The following FOXP1 variants were observed in gnomAD, a reference collection of about 807,000 sequenced individuals.
The protein encoded by FOXP1 is forkhead box protein P1.
FOXP1 carries 15 observed loss-of-function variants against 98.2 expected under a neutral mutation model. That is an observed-to-expected ratio of 0.15 (90% CI 0.10 to 0.24). The LOEUF (loss-of-function observed/expected upper bound fraction) is 0.24, where lower values mean the gene tolerates loss of function less well. Among genes scored for constraint, FOXP1 ranks in the 10% least tolerant of loss-of-function variants. FOXP1 has a pLI of 1.00. For synonymous variants in FOXP1, 371 were observed against 314.5 expected, an observed-to-expected ratio of 1.18 and a Z score of -1.90; for missense variants, 633 against 848.5, an observed-to-expected ratio of 0.75 and a Z score of 3.15.
intron 6 of FOXP1, among the ~76,000 whole-genome samples, chr3:71,138,439 TA>T (rs1463842388): frequency 2.6e-5 from 4 of 152,006 alleles, no homozygotes; most frequent in Non-Finnish European, 5.9e-5. Context: ...AATTAGTTTT[TA>T]AAAATACATT....
intron 2 of FOXP1, among the ~76,000 whole-genome samples, chr3:71,493,773 A>G (rs1489291018): frequency 3.3e-5 from 5 of 152,218 alleles, no homozygotes; most frequent in African/African-American, 7.2e-5. Context: ...CGTACACTGT[A>G]AAGTTGTTAT....
chr3:71,240,046 C>T lies in FOXP1; in HGVS notation c.-11-41654G>A, dbSNP rs370653490. Reference sequence around the variant, plus strand: ...AACTGGGGGGCTTCGAAAGGAAGTACAAGACTTTCACAGTCCCAAGAAATG... The same window carrying T: ...AACTGGGGGGCTTCGAAAGGAAGTATAAGACTTTCACAGTCCCAAGAAATG... On this transcript the variant is annotated intron_variant, in intron 5 of 20. Coordinates refer to ENST00000649528, the MANE Select transcript of FOXP1 (RefSeq NM_001349338.3). Among the ~76,000 whole-genome samples the T allele has an allele frequency of 3.3e-4, 50 of 152,348 alleles. 1 individual carries two copies. The South Asian group carries it at 8.9e-3, about 27-fold the overall frequency.
At chr3:71,252,223 G>A (rs1284861067) in intron 5 of FOXP1, among the ~76,000 whole-genome samples, 2 of 152,174 alleles carry the variant, frequency 1.3e-5, no homozygotes, top group African/African-American at 4.8e-5. Flanking sequence ...CAGCCATCTT[G>A]TGGCCCAGAG....
At chr3:71,049,782 C>G (rs962229081) in intron 9 of FOXP1, among the ~76,000 whole-genome samples, 1 of 152,100 alleles carries the variant, frequency 6.6e-6, no homozygotes, top group African/African-American at 2.4e-5. Context: ...CATGAAAATG[C>G]TACCGTGTGA....
chr3:71,032,677 C>T, intron 11 of FOXP1, among the ~76,000 whole-genome samples: 1 of 152,184 alleles, frequency 6.6e-6, no homozygotes, highest in East Asian at 1.9e-4. Context: ...CACGGGGTAA[C>T]ACTGGTGCGA....
At chr3:70,996,055 C>T (rs984024925) in intron 13 of FOXP1, among the ~76,000 whole-genome samples, 5 of 152,278 alleles carry the variant, frequency 3.3e-5, no homozygotes, top group East Asian at 3.9e-4. Flanking sequence ...GGCGCAATCT[C>T]GGGTCACTGC....
intron 5 of FOXP1, among the ~76,000 whole-genome samples, chr3:71,260,105 T>G (rs1296445): frequency 6.6e-6 from 1 of 152,178 alleles, no homozygotes; most frequent in Non-Finnish European, 1.5e-5. Context: ...TGCCTCAGCC[T>G]CCGGAGTAGC....
intron 13 of FOXP1, among the ~76,000 whole-genome samples, chr3:70,999,731 T>C (rs987067111): frequency 2.0e-5 from 3 of 152,168 alleles, no homozygotes; most frequent in Admixed American, 1.3e-4. Context: ...AAAGTTTAAG[T>C]GTATTTTGGC....
chr3:71,176,355 C>T (rs377258512), intron 6 of FOXP1, among the ~76,000 whole-genome samples: 1 of 152,134 alleles, frequency 6.6e-6, no homozygotes, highest in South Asian at 2.1e-4. Context: ...TACTTACTTG[C>T]AATTTATTAT....
At chr3:71,279,295 C>T (rs1184998520) in intron 5 of FOXP1, among the ~76,000 whole-genome samples, 4 of 151,538 alleles carry the variant, frequency 2.6e-5, no homozygotes, top group Admixed American at 2.6e-4. Context: ...TTTAAATACA[C>T]ATAGCTTTTC....
At chr3:71,478,976 A>AT (rs2090066175) in intron 3 of FOXP1, among the ~76,000 whole-genome samples, 1 of 152,224 alleles carries the variant, frequency 6.6e-6, no homozygotes, top group Non-Finnish European at 1.5e-5. Context: ...GAAGTACACC[A>AT]TCCCCAGTGT....
At chr3:71,214,099 C>G (rs1290495740) in intron 5 of FOXP1, among the ~76,000 whole-genome samples, 2 of 152,204 alleles carry the variant, frequency 1.3e-5, no homozygotes, top group Non-Finnish European at 2.9e-5. Flanking sequence ...TTAGGTGGAG[C>G]TGGGACAAAA....
rs903030306 is a variant in FOXP1, at chr3:71,142,138, CAAACA to C, written c.181-29506_181-29502del. On this transcript the variant is annotated intron_variant, in intron 6 of 20. Coordinates refer to ENST00000649528, the MANE Select transcript of FOXP1 (RefSeq NM_001349338.3). ...ATAAATACAAAATGTGTCATGTTGACAAACAAAAAAAAAAACCTGTAAAAACATTA... is the reference window on the plus strand; with the variant it reads ...ATAAATACAAAATGTGTCATGTTGACAAAAAAAAAACCTGTAAAAACATTA... 6.5e-4 allele frequency among the ~76,000 whole-genome samples: 12 copies of C among 18,338 alleles called. No individual in the cohort carries two copies. In the East Asian group the frequency reaches 0.065, roughly 99 times the overall value. 12.0% of individuals were successfully genotyped at this position (18,338 alleles called of 152,430 possible). A position where few individuals can be genotyped will look rare whatever the true frequency, so the allele number is the denominator to read the frequency against.
rs184390707 is a variant in FOXP1, at chr3:71,469,760, C to T, written c.-168+23666G>A. Among the ~76,000 whole-genome samples, 33 of 152,294 alleles carry T rather than the reference C, an allele frequency of 2.2e-4. No individual in the cohort carries two copies. The East Asian group carries it at 4.4e-3, about 20-fold the overall frequency. ...AAAAACCGTAAAAGCTGCAGACCAC[C>T]CTCAACTGAAAGCCCGATTTTTCAC... On this transcript the variant is annotated intron_variant, in intron 3 of 20. Transcript: ENST00000649528.
At chr3:71,455,793 T>C (rs2087426950) in intron 3 of FOXP1, among the ~76,000 whole-genome samples, 1 of 152,174 alleles carries the variant, frequency 6.6e-6, no homozygotes, top group Non-Finnish European at 1.5e-5. Flanking sequence ...AAAGAGCTAT[T>C]AGTGATAGTT....
At chr3:71,043,939 T>C (rs111987931) in intron 10 of FOXP1, among the ~76,000 whole-genome samples, 63 of 152,302 alleles carry the variant, frequency 4.1e-4, no homozygotes, top group African/African-American at 1.4e-3. Flanking sequence ...AGAAAAATGG[T>C]AAATAAAAAT....
chr3:71,467,978 T>G (rs1053900477), intron 3 of FOXP1, among the ~76,000 whole-genome samples: 1 of 152,196 alleles, frequency 6.6e-6, no homozygotes, highest in African/African-American at 2.4e-5. Flanking sequence ...AAAACTCTTC[T>G]TAGCTGAATG....
intron 6 of FOXP1, among the ~76,000 whole-genome samples, chr3:71,171,272 A>T (rs1205430787): frequency 6.6e-6 from 1 of 152,314 alleles, no homozygotes; most frequent in East Asian, 1.9e-4. Context: ...ACATATAGAT[A>T]AATAGAAGAA....
At chr3:71,397,681 C>T (rs572206304) in intron 3 of FOXP1, among the ~76,000 whole-genome samples, 102 of 152,304 alleles carry the variant, frequency 6.7e-4, no homozygotes, top group Non-Finnish European at 2.6e-4. Flanking sequence ...ATATTTTCAG[C>T]TGAGAGGACA....
Sources: allele counts gnomAD v4.1 joint callset (sites outside exome capture counted in the v4.1 genomes callset), GRCh38; gene constraint gnomAD v4.1.1; transcripts MANE v1.5; gene names NCBI Gene and HGNC (gene_info 2026-07-23, HGNC 2026-07-21).